Variants in MFN2 observed in about 807,000 individuals in gnomAD.
MFN2 encodes the protein mitofusin 2.
Under a neutral mutation model 87.5 loss-of-function variants are expected in MFN2, and 43 were observed. The observed-to-expected ratio is 0.49, with a 90% confidence interval of 0.38 to 0.63. The LOEUF (loss-of-function observed/expected upper bound fraction) is 0.63, where lower values mean the gene tolerates loss of function less well. Ranked by LOEUF, MFN2 falls within the 30% of genes least tolerant of loss-of-function variation. The pLI is 0.00. For missense variants in MFN2, 743 were observed against 972.8 expected (o/e 0.76, Z 3.14); for synonymous variants, 337 against 359.9 (o/e 0.94, Z 0.72).
chr1:11,992,494 G>A, intron 3 of MFN2, 61 bp from the exon 4 acceptor site: 1 of 1,611,078 alleles, frequency 6.2e-7, no homozygotes, highest in Admixed American at 1.7e-5. Flanking sequence ...GGCCCTTCCA[G>A]ACTTGGGACT....
chr1:12,002,901 T>C (rs1639238982), intron 11 of MFN2, among the ~76,000 whole-genome samples: 1 of 152,178 alleles, frequency 6.6e-6, no homozygotes, highest in African/African-American at 2.4e-5. Context: ...ATATGTCAGG[T>C]TTTTACATGC....
chr1:12,005,209 G>T lies in MFN2; in HGVS notation c.1495+282G>T, dbSNP rs562428109. The stretch of plus-strand genomic sequence containing the variant: ...CGATTCTTCTGCTCCAGCGTCCCGA[G>T]TAGCTGCGACTACAGGCGTGACCAC... On this transcript the variant is annotated intron_variant, in intron 14 of 18. Coordinates refer to ENST00000235329, the MANE Select transcript of MFN2 (RefSeq NM_014874.4). Among the ~76,000 whole-genome samples the T allele has an allele frequency of 3.3e-5, 5 of 152,302 alleles. No individual in the cohort carries two copies. In the East Asian group the frequency reaches 9.7e-4, roughly 29 times the overall value.
At chr1:11,986,607 T>C (rs78300613) in intron 2 of MFN2, among the ~76,000 whole-genome samples, 2 of 151,256 alleles carry the variant, frequency 1.3e-5, no homozygotes, top group East Asian at 3.9e-4. Context: ...TTTTTTTTTT[T>C]TGAGATGGAG....
intron 3 of MFN2, among the ~76,000 whole-genome samples, chr1:11,989,677 C>G (rs1638589712): frequency 6.6e-6 from 1 of 152,150 alleles, no homozygotes; most frequent in African/African-American, 2.4e-5. Flanking sequence ...CAGGGTTTTA[C>G]CCAGGTGTCT....
chr1:11,998,906 C>G, intron 7 of MFN2, 28 bp downstream of exon 7: 1 of 1,613,076 alleles, frequency 6.2e-7, no homozygotes, highest in East Asian at 2.2e-5. Flanking sequence ...TTCTCCCAAG[C>G]TCCCAGCACC....
intron 4 of MFN2, among the ~76,000 whole-genome samples, chr1:11,995,064 A>G (rs569750303): frequency 1.3e-5 from 2 of 152,002 alleles, no homozygotes; most frequent in African/African-American, 4.8e-5. Context: ...CAACATGGCA[A>G]GACCCCATCT....
rs1639243869 is a variant in MFN2 at position 12,003,022 on chromosome 1, G to A, written c.1160+919G>A. Among the ~76,000 whole-genome samples the A allele has an allele frequency of 6.6e-6, 1 of 152,026 alleles. No homozygotes were observed. Among genetic ancestry groups the A allele is most frequent in the Non-Finnish European group, 1.5e-5 (1 of 68,014 alleles). On this transcript the variant is annotated intron_variant, in intron 11 of 18. Transcript: ENST00000235329. This position sits in a 1 kb window ranked among gnomAD's most constrained non-coding sequence, Gnocchi z 4.1. ...AGTATGTGTAGTTTGTTTATGAATCGGAACTGCTGTAGTATATTCCATTGT... is the reference window on the plus strand; with the variant it reads ...AGTATGTGTAGTTTGTTTATGAATCAGAACTGCTGTAGTATATTCCATTGT...
chr1:12,006,452 T>G, intron 15 of MFN2, 86 bp from the exon 16 acceptor site: 1 of 1,558,366 alleles, frequency 6.4e-7, no homozygotes, highest in Non-Finnish European at 8.8e-7. Context: ...TGTGTCCCTG[T>G]TCCCCAGACT....
intron 2 of MFN2, among the ~76,000 whole-genome samples, chr1:11,986,214 C>T (rs1373099380): frequency 1.3e-5 from 2 of 152,168 alleles, no homozygotes; most frequent in African/African-American, 2.4e-5. Flanking sequence ...GTACCTCTTC[C>T]GGGTGTTCTT....
chr1:11,992,238 C>T (rs992743032), intron 3 of MFN2: 1 of 377,830 alleles, frequency 2.6e-6, no homozygotes, highest in Non-Finnish European at 5.0e-6. Context: ...ACGATGTTCT[C>T]ATGAAGTAGA....
chr1:12,006,733 G>A (rs773963246), intron 16 of MFN2, 40 bp downstream of exon 16: 7 of 1,608,844 alleles, frequency 4.4e-6, no homozygotes, highest in African/African-American at 1.3e-5. Context: ...GGGGCGGAGG[G>A]CAGGTGGGCG....
At chr1:12,006,476 G>A (rs1557532947) in intron 15 of MFN2, 62 bp from the exon 16 acceptor site, 6 of 1,602,404 alleles carry the variant, frequency 3.7e-6, no homozygotes, top group Non-Finnish European at 4.3e-6. Context: ...GCAACACTGA[G>A]GGTTCACGTG....
chr1:11,989,329 C>T lies in MFN2; in HGVS notation c.161C>T (p.Ala54Val), dbSNP rs747176196. The change falls in exon 3 of 19, where the codon GCC becomes GTC. Residue 54 changes from alanine to valine, a missense_variant. Around this residue, in one of 3 missense-constraint regions of MFN2, gnomAD observed 141 missense variants for 278.9 expected, o/e 0.51. Transcript: ENST00000235329. ...CTGGGGGCCTACATCCAGGAGAGCG[C>T]CACCTTCCTTGAAGGTAAGGGGGCA... ...EQLGAYIQES[A>V]TFLEDTYRNA... 3.7e-6 allele frequency: 6 copies of T among 1,614,010 alleles called. No individual in the cohort carries two copies. In the South Asian group the frequency reaches 6.6e-5, roughly 18 times the overall value.
chr1:11,997,017 TGACA>T (rs967221725), intron 5 of MFN2, among the ~76,000 whole-genome samples: 7 of 131,368 alleles, frequency 5.3e-5, no homozygotes, highest in Non-Finnish European at 1.1e-4. Flanking sequence ...CAAACCTGGG[TGACA>T]GAGCGAGACT....
intron 3 of MFN2, among the ~76,000 whole-genome samples, chr1:11,991,645 C>T (rs375500491): frequency 2.2e-4 from 34 of 152,256 alleles, no homozygotes; most frequent in African/African-American, 7.5e-4. Flanking sequence ...GACATAGAGG[C>T]CGGGCGCGGT....
chr1:11,999,921 C>T (rs1639097603), intron 8 of MFN2, among the ~76,000 whole-genome samples: 5 of 151,470 alleles, frequency 3.3e-5, no homozygotes, highest in East Asian at 4.1e-4. Context: ...GGTGAAACCC[C>T]GTGTCTACTA....
chr1:11,996,898 C>G (rs562591601), intron 5 of MFN2, among the ~76,000 whole-genome samples: 2 of 152,050 alleles, frequency 1.3e-5, no homozygotes, highest in Non-Finnish European at 1.5e-5. Flanking sequence ...ATTAGCTGGG[C>G]GTGGTGGTAG....
intron 6 of MFN2, among the ~76,000 whole-genome samples, chr1:11,998,083 C>T (rs1489195344): frequency 2.0e-5 from 3 of 150,842 alleles, no homozygotes; most frequent in Admixed American, 6.6e-5. Context: ...GGGGTTTCAC[C>T]ATGTTGGCCA....
chr1:12,001,628 G>A, intron 9 of MFN2, 74 bp downstream of exon 9: 1 of 1,609,998 alleles, frequency 6.2e-7, no homozygotes, highest in Non-Finnish European at 8.5e-7. Flanking sequence ...GAGTCTGTCA[G>A]TAGAAAATCC....
Sources: gnomAD v4.1 joint callset for allele counts (sites outside exome capture counted in the v4.1 genomes callset) on GRCh38, gnomAD v4.1.1 for gene constraint, gnomAD v4.1.1 regional missense constraint, Gnocchi (gnomAD v3.1) non-coding constraint, MANE v1.5 for transcripts, NCBI Gene and HGNC (gene_info 2026-07-23, HGNC 2026-07-21) for gene names.